CYB5B: variants seen among roughly 807,000 people sequenced by gnomAD.
CYB5B encodes the protein cytochrome b5 type B (outer mitochondrial membrane).
In CYB5B, 14 loss-of-function variants were observed where a neutral mutation model predicts 21.3. The ratio of observed to expected loss-of-function variants is 0.66; its 90% CI spans 0.43 to 1.03. The LOEUF (loss-of-function observed/expected upper bound fraction) is 1.03, where lower values mean the gene tolerates loss of function less well. Among genes scored for constraint, CYB5B ranks in the 50% least tolerant of loss-of-function variants. The pLI, the probability that CYB5B is intolerant of heterozygous loss-of-function variation, is 0.00. For missense variants in CYB5B, 166 were observed against 185.1 expected, an observed-to-expected ratio of 0.90 and a Z score of 0.60; for synonymous variants, 69 against 68.4, an observed-to-expected ratio of 1.01 and a Z score of -0.04.
chr16:69,441,660 C>A (rs1263060312), intron 1 of CYB5B, among the ~76,000 whole-genome samples: 1 of 152,174 alleles, frequency 6.6e-6, no homozygotes, highest in African/African-American at 2.4e-5. Context: ...AGCAGTTGAT[C>A]TCTCTGCCTT....
chr16:69,424,789 A>G lies in CYB5B; in HGVS notation c.106A>G (p.Asn36Asp). The G allele has an allele frequency of 6.2e-7, 1 of 1,609,564 alleles. No homozygotes were observed. Among genetic ancestry groups the G allele is most frequent in the Non-Finnish European group, 8.5e-7 (1 of 1,177,828 alleles). The change falls in exon 1 of 5, where the codon AAC (asparagine) becomes GAC (aspartate). Residue 36 changes from asparagine (N) to aspartate (D), a missense_variant. By Grantham distance (23) the Asn-to-Asp change is conservative. Transcript: ENST00000307892. ...YYRLEEVAKR[N>D]SLKELWLVIH... is the part of the protein sequence containing the mutation. ...CCGGTTGGAGGAGGTGGCAAAGCGC[A>G]ACTCCTTGAAGGAACTGTGGCTTGT...
chr16:69,458,646 T>A (rs2015004032), intron 3 of CYB5B, among the ~76,000 whole-genome samples: 1 of 152,200 alleles, frequency 6.6e-6, no homozygotes, highest in African/African-American at 2.4e-5. Context: ...CAATCATCTG[T>A]ATGATCTAGA....
chr16:69,430,247 G>A (rs1476137194), intron 1 of CYB5B, among the ~76,000 whole-genome samples: 3 of 151,600 alleles, frequency 2.0e-5, no homozygotes, highest in African/African-American at 7.3e-5. Context: ...GAGACAGTCT[G>A]GCTCTGTTGT....
chr16:69,447,727 T>C (rs1277130942), intron 2 of CYB5B, among the ~76,000 whole-genome samples: 2 of 152,248 alleles, frequency 1.3e-5, no homozygotes, highest in African/African-American at 2.4e-5. Context: ...CTAGTCTTAC[T>C]GTGCTAGGAT....
At chr16:69,436,354 C>A (rs566571754) in intron 1 of CYB5B, among the ~76,000 whole-genome samples, 11 of 152,298 alleles carry the variant, frequency 7.2e-5, no homozygotes, top group African/African-American at 2.6e-4. Flanking sequence ...TGCAGTGGGA[C>A]CCCGTCTGGG....
At chr16:69,442,409 G>A (rs2142816777) in intron 1 of CYB5B, among the ~76,000 whole-genome samples, 1 of 152,152 alleles carries the variant, frequency 6.6e-6, no homozygotes, top group South Asian at 2.1e-4. Context: ...CACACACACT[G>A]CATTTTTTCT....
At chr16:69,443,580 T>G (rs2014847243) in intron 1 of CYB5B, 1 of 152,648 alleles carries the variant, frequency 6.6e-6, no homozygotes, top group South Asian at 2.1e-4. Context: ...GTCGGCCGGG[T>G]GCAGTGGCTC....
chr16:69,430,658 T>A (rs920705936), intron 1 of CYB5B, among the ~76,000 whole-genome samples: 22 of 147,682 alleles, frequency 1.5e-4, no homozygotes, highest in African/African-American at 5.6e-4. Flanking sequence ...GAAATAACAT[T>A]GTGATATTTT....
At chr16:69,438,608 C>CT (rs35676965) in intron 1 of CYB5B, among the ~76,000 whole-genome samples, 8 of 150,738 alleles carry the variant, frequency 5.3e-5, no homozygotes, top group South Asian at 4.2e-4. Context: ...ATTTTCATTT[C>CT]TTTTTTTTTT....
chr16:69,459,779 A>G (rs1315462786), intron 4 of CYB5B, among the ~76,000 whole-genome samples: 1 of 152,220 alleles, frequency 6.6e-6, no homozygotes, highest in Non-Finnish European at 1.5e-5. Flanking sequence ...GAAAGAAAAT[A>G]TGTCTTTTTT....
intron 1 of CYB5B, among the ~76,000 whole-genome samples, chr16:69,432,605 T>A (rs1028119055): frequency 2.6e-5 from 4 of 152,226 alleles, no homozygotes; most frequent in African/African-American, 7.2e-5. Context: ...ATTAGTTGAT[T>A]TGCCCTCGTA....
chr16:69,447,999 C>T lies in CYB5B; in HGVS notation c.304-116C>T, dbSNP rs2014894571. ...TCTTTCTATGGATCCTCAAATCTCC[C>T]AGGGAATTCACTATCACCAGAATAT... On this transcript the variant is annotated intron_variant, in intron 2 of 4. Transcript: ENST00000307892. 8 of 1,065,618 alleles carry T rather than the reference C, an allele frequency of 7.5e-6. No homozygotes were observed. In the South Asian group the frequency reaches 1.2e-4, roughly 16 times the overall value. The allele number at this position is 1,065,618 out of a possible 1,614,324, so 66.0% of individuals were successfully genotyped here.
intron 1 of CYB5B, among the ~76,000 whole-genome samples, chr16:69,429,386 C>T (rs574120546): frequency 2.0e-5 from 3 of 152,136 alleles, no homozygotes; most frequent in South Asian, 2.1e-4. Context: ...TACAGAGTGC[C>T]GATTGGTCCA....
At chr16:69,430,740 C>G (rs1295063486) in intron 1 of CYB5B, among the ~76,000 whole-genome samples, 1 of 149,086 alleles carries the variant, frequency 6.7e-6, no homozygotes, top group Admixed American at 6.7e-5. Flanking sequence ...ATGGCATGGT[C>G]TCAGCTCACT....
chr16:69,448,409 T>C, intron 3 of CYB5B: 1 of 436,676 alleles, frequency 2.3e-6, no homozygotes, highest in East Asian at 4.2e-5. Flanking sequence ...TGTGTGGTTT[T>C]GAAAGAAATT....
intron 3 of CYB5B, chr16:69,448,429 G>C (rs975950951): frequency 1.3e-5 from 5 of 384,140 alleles, no homozygotes; most frequent in Non-Finnish European, 4.7e-6. Flanking sequence ...TAGTTTATGG[G>C]TTCAGTTGTG....
At position 69,461,213 on chromosome 16, in the gene CYB5B, A is replaced by AG. The variant is rs533810292; in HGVS notation, c.363-1217_363-1216insG. 5.7e-3 allele frequency among the ~76,000 whole-genome samples: 869 copies of AG among 151,952 alleles called. 3 individuals are homozygous for AG. The highest frequency in any genetic ancestry group is 0.01 in the Non-Finnish European group (710 of 67,942). ...ATGAGACTCCGTCTCAAAAAAAAAA[A>AG]AAAGAAAGAAAGAAAGAAATTTTCT... is the stretch of plus-strand genomic sequence containing the variant. On this transcript the variant is annotated intron_variant, in intron 4 of 4. Transcript: ENST00000307892.
rs1331451335 is a variant in CYB5B at position 69,447,228 on chromosome 16, T to G, written c.253T>G (p.Ser85Ala). ...SESFEDVGHS[S>A]DAREMLKQYY... is the part of the protein sequence containing the mutation. The stretch of plus-strand genomic sequence containing the variant: ...AAGCTTTGAAGATGTAGGACACTCT[T>G]CTGATGCCAGAGAAATGCTAAAGCA... Residue 85 changes from serine (S) to alanine (A), a missense_variant, in exon 2 of 5, where the codon TCT (serine) becomes GCT (alanine). Ser to Ala is a moderately conservative substitution (Grantham distance 99, BLOSUM62 1). Coordinates refer to ENST00000307892, the MANE Select transcript of CYB5B (RefSeq NM_030579.3). 5 of 1,613,942 alleles carry G rather than the reference T, an allele frequency of 3.1e-6. No homozygotes were observed. The highest frequency in any genetic ancestry group is 4.2e-6 in the Non-Finnish European group (5 of 1,179,976).
At chr16:69,441,558 A>G (rs949110678) in intron 1 of CYB5B, among the ~76,000 whole-genome samples, 13 of 152,220 alleles carry the variant, frequency 8.5e-5, no homozygotes, top group Non-Finnish European at 1.6e-4. Context: ...AATTTCATCT[A>G]CCTGTTGATA....
Sources: allele counts gnomAD v4.1 joint callset (sites outside exome capture counted in the v4.1 genomes callset), GRCh38; gene constraint gnomAD v4.1.1; transcripts MANE v1.5; gene names NCBI Gene and HGNC (gene_info 2026-07-23, HGNC 2026-07-21).